The following EML1 variants were observed in gnomAD, a reference collection of about 807,000 sequenced individuals.
The protein encoded by EML1 is EMAP like 1.
EML1 carries 27 observed loss-of-function variants against 110.4 expected under a neutral mutation model. That is an observed-to-expected ratio of 0.24 (90% CI 0.18 to 0.34). The LOEUF is 0.34. Ranked by LOEUF, EML1 falls within the 10% of genes least tolerant of loss-of-function variation. The pLI, the probability that EML1 is intolerant of heterozygous loss-of-function variation, is 1.00. For synonymous variants in EML1, 344 were observed against 385.8 expected (o/e 0.89, Z 1.27); for missense variants, 741 against 1,030.9 (o/e 0.72, Z 3.85).
chr14:99,855,699 A>G (rs1012150000), intron 2 of EML1, among the ~76,000 whole-genome samples: 4 of 152,232 alleles, frequency 2.6e-5, no homozygotes, highest in African/African-American at 4.8e-5. Context: ...AAATACTTTA[A>G]TATGCCTTTG....
At chr14:99,858,616 G>A (rs1432366610) in intron 2 of EML1, among the ~76,000 whole-genome samples, 4 of 152,170 alleles carry the variant, frequency 2.6e-5, no homozygotes, top group African/African-American at 7.2e-5. Flanking sequence ...AGGGCATTTT[G>A]TATTTTTGCC....
Position 99,827,877 on chromosome 14 carries a change from G to A in EML1, c.68-22976G>A, listed in dbSNP as rs949053050. On this transcript the variant is annotated intron_variant, in intron 1 of 21. Coordinates refer to ENST00000262233, the MANE Select transcript of EML1 (RefSeq NM_004434.3). This position sits in a 1 kb window ranked among gnomAD's most constrained non-coding sequence, Gnocchi z 4.4. Reference sequence around the variant, plus strand: ...GTGCAGACCCGCAGGCATGGGTCCCGTGAGCACCCAGCAGGGTGTCTGGGT... The same window carrying A: ...GTGCAGACCCGCAGGCATGGGTCCCATGAGCACCCAGCAGGGTGTCTGGGT... Among the ~76,000 whole-genome samples, 5 of 152,172 alleles carry A rather than the reference G, an allele frequency of 3.3e-5. No homozygotes were observed. The highest frequency in any genetic ancestry group is 1.3e-4 in the Admixed American group (2 of 15,284).
intron 20 of EML1, 146 bp downstream of exon 20, chr14:99,938,058 C>A: frequency 1.3e-6 from 1 of 760,036 alleles, no homozygotes; most frequent in Non-Finnish European, 2.2e-6. Context: ...CCTCCTGCCG[C>A]ACCCTGGGGT....
intron 20 of EML1, 110 bp downstream of exon 20, chr14:99,938,022 C>G: frequency 9.0e-7 from 1 of 1,113,164 alleles, no homozygotes; most frequent in Non-Finnish European, 1.3e-6. Flanking sequence ...GATTGCTCGG[C>G]TGCTACGGGA....
At chr14:99,842,473 G>A (rs2058648531) in intron 1 of EML1, among the ~76,000 whole-genome samples, 1 of 151,412 alleles carries the variant, frequency 6.6e-6, no homozygotes, top group Non-Finnish European at 1.5e-5. Context: ...ATCCATTACA[G>A]GTTAAAGCAA....
intron 16 of EML1, among the ~76,000 whole-genome samples, chr14:99,920,235 G>A (rs149108093): frequency 1.2e-3 from 181 of 152,298 alleles, no homozygotes; most frequent in African/African-American, 4.1e-3. Context: ...TAGAAGACCA[G>A]TCCTCCACTC....
chr14:99,795,666 A>G (rs1053953407), intron 1 of EML1, among the ~76,000 whole-genome samples: 1 of 152,246 alleles, frequency 6.6e-6, no homozygotes, highest in South Asian at 2.1e-4. Flanking sequence ...CAGAAATGCC[A>G]TTTCACTAGG....
intron 1 of EML1, among the ~76,000 whole-genome samples, chr14:99,830,176 G>C (rs1163762530): frequency 6.6e-6 from 1 of 152,034 alleles, no homozygotes; most frequent in Non-Finnish European, 1.5e-5. Context: ...TTTTTTTTAT[G>C]ATAGCCATTC....
At chr14:99,894,212 A>G (rs1207596149) in intron 5 of EML1, among the ~76,000 whole-genome samples, 1 of 152,228 alleles carries the variant, frequency 6.6e-6, no homozygotes, top group African/African-American at 2.4e-5. Flanking sequence ...TAAATATTGA[A>G]AAATATTTGT....
chr14:99,893,813 G>A lies in EML1; in HGVS notation c.548-816G>A, dbSNP rs114508933. On this transcript the variant is annotated intron_variant, in intron 5 of 21. Transcript: ENST00000262233. ...TCTGAATCTGAACAGAATTCACCAG[G>A]AGCGGAGCTCACAAGACATTTTCTT... 3.6e-3 allele frequency among the ~76,000 whole-genome samples: 550 copies of A among 152,276 alleles called. 5 individuals carry two copies. The highest frequency in any genetic ancestry group is 0.013 in the African/African-American group (526 of 41,562).
At chr14:99,851,587 G>A (rs901954955) in intron 2 of EML1, among the ~76,000 whole-genome samples, 3 of 152,162 alleles carry the variant, frequency 2.0e-5, no homozygotes, top group Non-Finnish European at 4.4e-5. Context: ...GATTACAGGC[G>A]TGAGCCACTG....
intron 17 of EML1, among the ~76,000 whole-genome samples, chr14:99,925,403 G>A (rs901716014): frequency 9.2e-5 from 14 of 151,846 alleles, no homozygotes; most frequent in Admixed American, 6.6e-4. Context: ...GGGACTGCAG[G>A]CAGGCACCAC....
At chr14:99,760,840 A>G (rs1407203493) in intron 1 of EML1, among the ~76,000 whole-genome samples, 1 of 152,192 alleles carries the variant, frequency 6.6e-6, no homozygotes, top group Non-Finnish European at 1.5e-5. Context: ...TTCAACCAGT[A>G]CACGCAAAGC....
intron 17 of EML1, among the ~76,000 whole-genome samples, chr14:99,929,605 GTA>G (rs2060328866): frequency 6.6e-6 from 1 of 152,198 alleles, no homozygotes; most frequent in African/African-American, 2.4e-5. Flanking sequence ...GTGATCAGCA[GTA>G]TGAGTTTTCT....
intron 10 of EML1, among the ~76,000 whole-genome samples, chr14:99,908,559 C>T (rs1281848944): frequency 1.3e-5 from 2 of 152,290 alleles, no homozygotes; most frequent in East Asian, 1.9e-4. Flanking sequence ...CTTCTTGCTA[C>T]GTTGCTAGGT....
In EML1 at chr14:99,894,717, A is replaced by G; in HGVS notation, c.636A>G (p.Ala212=). 1.2e-6 allele frequency: 2 copies of G among 1,613,652 alleles called. No homozygotes were observed. The highest frequency in any genetic ancestry group is 1.7e-4 in the Middle Eastern group (1 of 6,058). The change falls in exon 6 of 22, where the codon GCA becomes GCG. Residue 212 remains alanine (A), a synonymous_variant. Transcript: ENST00000262233. ...KDQVDSYSLE[A]KVELPTKRLK... is the part of the protein sequence containing the mutation. The stretch of plus-strand genomic sequence containing the variant: ...AAGTGGATTCTTACAGCTTGGAAGC[A>G]AAAGTAGAACTTCCAACCAAGAGAC...
intron 1 of EML1, among the ~76,000 whole-genome samples, chr14:99,755,639 C>T (rs961983568): frequency 6.6e-6 from 1 of 152,278 alleles, no homozygotes; most frequent in African/African-American, 2.4e-5. Context: ...AGCCTCTTTC[C>T]CATTCCGTGG....
chr14:99,887,064 G>A (rs1014135337), intron 4 of EML1, among the ~76,000 whole-genome samples: 3 of 152,210 alleles, frequency 2.0e-5, no homozygotes, highest in African/African-American at 7.2e-5. Flanking sequence ...ACTGCTGTCT[G>A]TTGGTTGACT....
chr14:99,872,815 G>T (rs903665185), intron 3 of EML1, among the ~76,000 whole-genome samples: 1 of 152,216 alleles, frequency 6.6e-6, no homozygotes, highest in Non-Finnish European at 1.5e-5. Flanking sequence ...TTACAATCAG[G>T]TAGGAATTTT....
Sources: gnomAD v4.1 joint callset for allele counts (sites outside exome capture counted in the v4.1 genomes callset) on GRCh38, gnomAD v4.1.1 for gene constraint, Gnocchi (gnomAD v3.1) non-coding constraint, MANE v1.5 for transcripts, NCBI Gene and HGNC (gene_info 2026-07-23, HGNC 2026-07-21) for gene names.